PALM2AKAP2: variants seen among roughly 807,000 people sequenced by gnomAD.
The protein encoded by PALM2AKAP2 is PALM2-AKAP2 fusion protein.
A neutral mutation model predicts 71.5 loss-of-function variants in PALM2AKAP2; 37 were observed. The ratio of observed to expected loss-of-function variants is 0.52; its 90% CI spans 0.40 to 0.68. The LOEUF (loss-of-function observed/expected upper bound fraction) is 0.68, where lower values mean the gene tolerates loss of function less well. Ranked by LOEUF, PALM2AKAP2 falls within the 30% of genes least tolerant of loss-of-function variation. The pLI is 0.00. For synonymous variants in PALM2AKAP2, 468 were observed against 478.8 expected, an observed-to-expected ratio of 0.98 and a Z score of 0.29; for missense variants, 1,224 against 1,191.8, an observed-to-expected ratio of 1.03 and a Z score of -0.40.
intron 1 of PALM2AKAP2, among the ~76,000 whole-genome samples, chr9:109,803,327 G>A (rs185400722): frequency 6.6e-6 from 1 of 152,124 alleles, no homozygotes; most frequent in Non-Finnish European, 1.5e-5. Flanking sequence ...CCATGTGTTG[G>A]CACTTGGATC....
Position 109,769,920 on chromosome 9 carries a change from T to C in PALM2AKAP2, c.6-10568T>C, listed in dbSNP as rs73531252. 3.6e-3 allele frequency among the ~76,000 whole-genome samples: 542 copies of C among 152,142 alleles called. 3 individuals are homozygous for C. Among genetic ancestry groups the C allele is most frequent in the African/African-American group, 0.013 (523 of 41,508 alleles). On this transcript the variant is annotated intron_variant, in intron 1 of 6. Coordinates refer to the PALM2AKAP2 transcript ENST00000374531. Reference sequence around the variant, plus strand: ...GAGGTACCTTCTCGGGGAGATCGGGTGAAGGCTGTTCTCCCTAGAAGAACT... The same window carrying C: ...GAGGTACCTTCTCGGGGAGATCGGGCGAAGGCTGTTCTCCCTAGAAGAACT...
intron 3 of PALM2AKAP2, among the ~76,000 whole-genome samples, chr9:109,885,967 G>A (rs575772122): frequency 2.0e-5 from 3 of 152,260 alleles, no homozygotes; most frequent in South Asian, 2.1e-4. Context: ...AGGAAAACCC[G>A]GCTGCCACAG....
intron 1 of PALM2AKAP2, among the ~76,000 whole-genome samples, chr9:109,700,950 G>A (rs1303562137): frequency 5.3e-5 from 8 of 152,164 alleles, no homozygotes; most frequent in East Asian, 3.9e-4. Flanking sequence ...GACTGGAATC[G>A]TAACAATAAC....
chr9:109,905,621 C>G (rs1261566500), intron 3 of PALM2AKAP2, among the ~76,000 whole-genome samples: 2 of 152,232 alleles, frequency 1.3e-5, no homozygotes, highest in Non-Finnish European at 2.9e-5. Flanking sequence ...CAGCATTTCT[C>G]AAACTCCATG....
At chr9:109,689,834 G>A (rs995943132) in intron 1 of PALM2AKAP2, among the ~76,000 whole-genome samples, 4 of 152,112 alleles carry the variant, frequency 2.6e-5, no homozygotes, top group African/African-American at 9.7e-5. Flanking sequence ...CTATGATCTG[G>A]CCAACTTCCG....
intron 1 of PALM2AKAP2, among the ~76,000 whole-genome samples, chr9:109,804,163 G>C (rs1162754675): frequency 6.6e-6 from 1 of 152,184 alleles, no homozygotes; most frequent in Admixed American, 6.5e-5. Context: ...CACCTGCCTG[G>C]ATGTTGTTTT....
At chr9:109,720,259 G>T (rs989474236) in intron 1 of PALM2AKAP2, among the ~76,000 whole-genome samples, 3 of 152,118 alleles carry the variant, frequency 2.0e-5, no homozygotes, top group East Asian at 3.8e-4. Context: ...AAAGTGCTGG[G>T]ATTACAGGCA....
At chr9:110,070,793 G>C (rs952791680) in intron 1 of PALM2AKAP2, among the ~76,000 whole-genome samples, 1 of 152,106 alleles carries the variant, frequency 6.6e-6, no homozygotes, top group African/African-American at 2.4e-5. Flanking sequence ...GACCTTTGGC[G>C]TGCTACTCTT....
In PALM2AKAP2 at chr9:109,970,985, C is replaced by T. The variant is rs369885489; in HGVS notation, c.496+38957C>T. Among the ~76,000 whole-genome samples the T allele has an allele frequency of 2.7e-4, 41 of 152,234 alleles. No homozygotes were observed. In the South Asian group the frequency reaches 8.5e-3, roughly 32 times the overall value. On this transcript the variant is annotated intron_variant, in intron 6 of 9. Transcript: ENST00000302798. ...AATTATCTGGGCATGGTGGCATACA[C>T]CTGTAGTCCCAGCTACTCAGGTGGA... is the stretch of plus-strand genomic sequence containing the variant.
At chr9:109,716,579 G>C (rs1398928322) in intron 1 of PALM2AKAP2, among the ~76,000 whole-genome samples, 1 of 143,842 alleles carries the variant, frequency 7.0e-6, no homozygotes, top group Non-Finnish European at 1.6e-5. Flanking sequence ...AAGCTGGCAG[G>C]TACCTGGAAA....
intron 1 of PALM2AKAP2, among the ~76,000 whole-genome samples, chr9:110,051,971 C>T (rs989659994): frequency 1.3e-5 from 2 of 151,300 alleles, no homozygotes; most frequent in Non-Finnish European, 2.9e-5. Context: ...GGCGCGATCT[C>T]GGCTCACTGC....
At chr9:109,846,955 C>T (rs573923735) in intron 1 of PALM2AKAP2, among the ~76,000 whole-genome samples, 1 of 152,194 alleles carries the variant, frequency 6.6e-6, no homozygotes, top group Non-Finnish European at 1.5e-5. Flanking sequence ...TCCACAAGCT[C>T]TCTGTGATTG....
At chr9:109,753,686 CAG>C (rs1442519009) in intron 1 of PALM2AKAP2, among the ~76,000 whole-genome samples, 2 of 152,150 alleles carry the variant, frequency 1.3e-5, no homozygotes, top group African/African-American at 4.8e-5. Flanking sequence ...CTATATATCT[CAG>C]AGTCACTTAA....
intron 3 of PALM2AKAP2, among the ~76,000 whole-genome samples, chr9:109,914,957 G>A (rs1041405913): frequency 4.6e-5 from 7 of 152,156 alleles, no homozygotes; most frequent in African/African-American, 1.7e-4. Flanking sequence ...GGTCCCAGGA[G>A]TCCTCTTTCC....
chr9:110,045,458 C>T (rs991294524), upstream of PALM2AKAP2, among the ~76,000 whole-genome samples: 3 of 152,184 alleles, frequency 2.0e-5, no homozygotes, highest in Non-Finnish European at 4.4e-5. Context: ...CAGTGTTTCC[C>T]AAACTTTCAT....
At chr9:109,913,901 C>T (rs1470721094) in intron 3 of PALM2AKAP2, among the ~76,000 whole-genome samples, 18 of 151,514 alleles carry the variant, frequency 1.2e-4, no homozygotes, top group African/African-American at 1.9e-4. Context: ...GGACTACAGG[C>T]GCCCGCCACT....
intron 1 of PALM2AKAP2, among the ~76,000 whole-genome samples, chr9:109,700,879 G>A (rs1056797334): frequency 6.6e-6 from 1 of 152,080 alleles, no homozygotes; most frequent in Non-Finnish European, 1.5e-5. Flanking sequence ...AATAAAATTA[G>A]CCTTTCACTG....
chr9:109,747,912 C>A lies in PALM2AKAP2; in HGVS notation c.6-32576C>A, dbSNP rs940645018. On this transcript the variant is annotated intron_variant, in intron 1 of 6. Coordinates refer to the PALM2AKAP2 transcript ENST00000374531. ...TCTTGAACTCCTGAGCTGAAGCGAT[C>A]TGCCTGCCTCAGCCTCCCAAAGTGC... is the stretch of plus-strand genomic sequence containing the variant. 1.8e-4 allele frequency among the ~76,000 whole-genome samples: 27 copies of A among 152,216 alleles called. 1 individual carries two copies. Among genetic ancestry groups the A allele is most frequent in the Admixed American group, 1.8e-3 (27 of 15,284 alleles).
intron 1 of PALM2AKAP2, among the ~76,000 whole-genome samples, chr9:109,858,352 A>G (rs1005899365): frequency 4.0e-5 from 6 of 151,030 alleles, no homozygotes; most frequent in Non-Finnish European, 7.4e-5. Context: ...GCATTACTTT[A>G]TAACTCAGGA....
Sources: gnomAD v4.1 joint callset for allele counts (sites outside exome capture counted in the v4.1 genomes callset) on GRCh38, gnomAD v4.1.1 for gene constraint, MANE v1.5 for transcripts, NCBI Gene and HGNC (gene_info 2026-07-23, HGNC 2026-07-21) for gene names.